The following TRRAP variants were observed in gnomAD, a reference collection of about 807,000 sequenced individuals.
TRRAP encodes transformation/transcription domain associated protein.
TRRAP carries 41 observed loss-of-function variants against 438.8 expected under a neutral mutation model. The observed-to-expected ratio is 0.09, with a 90% CI of 0.07 to 0.12. TRRAP has a LOEUF of 0.12. TRRAP is among the 10% of genes least tolerant of loss of function. The pLI is 1.00. For missense variants in TRRAP, 3,122 were observed against 5,055.1 expected, an observed-to-expected ratio of 0.62 and a Z score of 11.60; for synonymous variants, 1,994 against 1,962.9, an observed-to-expected ratio of 1.02 and a Z score of -0.42.
At chr7:98,935,318 G>C (rs570223953) in intron 27 of TRRAP, among the ~76,000 whole-genome samples, 26 of 152,234 alleles carry the variant, frequency 1.7e-4, no homozygotes, top group African/African-American at 6.3e-4. Flanking sequence ...GATGGTATCA[G>C]AGTGGGTGAG....
Position 98,953,442 on chromosome 7 carries a change from C to A in TRRAP, c.5730+9C>A, listed in dbSNP as rs1311138150. 6.2e-7 allele frequency: 1 copy of A among 1,605,644 alleles called. No homozygotes were observed. The highest frequency in any genetic ancestry group is 1.3e-5 in the African/African-American group (1 of 74,906). On this transcript the variant is annotated intron_variant, in intron 40 of 72. Coordinates refer to ENST00000456197, the MANE Select transcript of TRRAP (RefSeq NM_001375524.1). ...AGAAGATCGTCCTGCAGGTATTTTGCAAGCCCCTCCTGTCCGCCGACATCA... is the reference window on the plus strand; with the variant it reads ...AGAAGATCGTCCTGCAGGTATTTTGAAAGCCCCTCCTGTCCGCCGACATCA...
chr7:99,001,544 A>T (rs145933804), intron 67 of TRRAP, among the ~76,000 whole-genome samples: 119 of 152,212 alleles, frequency 7.8e-4, no homozygotes, highest in African/African-American at 2.8e-3. Context: ...GTAAAAAAAA[A>T]TAAAAAATCA....
At chr7:98,999,641 A>G (rs938943062) in intron 67 of TRRAP, 21 of 918,428 alleles carry the variant, frequency 2.3e-5, no homozygotes, top group Admixed American at 2.3e-4. Context: ...GGTGACAGCA[A>G]TTTGCCACTA....
intron 48 of TRRAP, 81 bp downstream of exon 48, chr7:98,964,856 C>T (rs1178656391): frequency 6.8e-7 from 1 of 1,468,136 alleles, no homozygotes; most frequent in Non-Finnish European, 9.1e-7. Flanking sequence ...TGGGGCTGAA[C>T]TCTAAAGGGA....
At chr7:98,907,672 A>G (rs1485122029) in intron 13 of TRRAP, among the ~76,000 whole-genome samples, 1 of 152,176 alleles carries the variant, frequency 6.6e-6, no homozygotes, top group Non-Finnish European at 1.5e-5. Context: ...TCTCTGCGTG[A>G]TTTGGCTCTG....
chr7:98,991,311 T>A (rs909366072), intron 64 of TRRAP, among the ~76,000 whole-genome samples: 2 of 152,154 alleles, frequency 1.3e-5, no homozygotes, highest in African/African-American at 4.8e-5. Flanking sequence ...CAGGAGTCCG[T>A]GAAGGTGTTC....
chr7:98,915,315 C>T (rs1484590484), intron 18 of TRRAP, among the ~76,000 whole-genome samples: 2 of 152,048 alleles, frequency 1.3e-5, no homozygotes, highest in Admixed American at 6.6e-5. Flanking sequence ...GCCTCAGCCT[C>T]CCTAATAGCT....
At chr7:98,990,680 C>T (rs1793393582) in intron 64 of TRRAP, 61 bp downstream of exon 64, 1 of 1,523,960 alleles carries the variant, frequency 6.6e-7, no homozygotes, top group Non-Finnish European at 8.9e-7. Flanking sequence ...ATTTTGCGTT[C>T]TTTTTTCTCC....
In TRRAP at chr7:99,011,234, C is replaced by T. The variant is rs1794411168; in HGVS notation, c.11121C>T (p.Pro3707=). The change falls in exon 71 of 73, where the codon CCC becomes CCT. Residue 3707 remains proline (P), a synonymous_variant. Transcript: ENST00000456197. The surrounding 1 kb of genome is among the most constrained non-coding windows in gnomAD (Gnocchi z 7.1). The stretch of plus-strand genomic sequence containing the variant: ...TCCTGCATTTAAATAGACTCAACCC[C>T]GAGATGTTACAGATCGCTCAGGTAA... ...EFVLHLNRLN[P]EMLQIAQDTG... The T allele has an allele frequency of 6.2e-6, 10 of 1,614,078 alleles. No homozygotes were observed. Among genetic ancestry groups the T allele is most frequent in the African/African-American group, 2.7e-5 (2 of 74,926 alleles).
In TRRAP at chr7:98,976,042, A is replaced by T; in HGVS notation, c.7840-107A>T. On this transcript the variant is annotated intron_variant, in intron 53 of 72. Transcript: ENST00000456197. This position sits in a 1 kb window ranked among gnomAD's most constrained non-coding sequence, Gnocchi z 4.6. ...CAGATCTTTGAAACTTTGAAAGTGG[A>T]GGAGCATCGGTAATGTATGAGACAG... 7.4e-7 allele frequency: 1 copy of T among 1,357,412 alleles called. No homozygotes were observed. The highest frequency in any genetic ancestry group is 2.4e-5 in the Admixed American group (1 of 41,586). 84.1% of individuals were successfully genotyped at this position (1,357,412 alleles called of 1,614,324 possible).
intron 27 of TRRAP, among the ~76,000 whole-genome samples, chr7:98,934,608 T>G (rs1384429446): frequency 2.6e-5 from 4 of 152,184 alleles, no homozygotes; most frequent in African/African-American, 9.7e-5. Flanking sequence ...CACGTGCGGA[T>G]CTTTTGAAAA....
intron 23 of TRRAP, among the ~76,000 whole-genome samples, chr7:98,928,934 C>T (rs139472942): frequency 0.013 from 1,988 of 149,674 alleles, 13 homozygotes; most frequent in Non-Finnish European, 0.02. Context: ...ACACCACGCC[C>T]GGCTAATTTT....
chr7:98,950,913 G>A lies in TRRAP; in HGVS notation c.5372G>A (p.Ser1791Asn). ...QHILNPAFLY[S>N]FEKGEGEQLL... is the part of the protein sequence containing the mutation. ...ATCTTGAATCCTGCTTTCTTGTACA[G>A]CTTTGAGAAGGGGGAAGGAGAGCAG... The change falls in exon 39 of 73, where the codon AGC (serine) becomes AAC (asparagine). Residue 1791 changes from serine to asparagine, a missense_variant. By Grantham distance (46) the Ser-to-Asn change is conservative. Around this residue, in one of 24 missense-constraint regions of TRRAP, gnomAD observed 272 missense variants for 348.5 expected, o/e 0.78. Coordinates refer to ENST00000456197, the MANE Select transcript of TRRAP (RefSeq NM_001375524.1). 6.2e-7 allele frequency: 1 copy of A among 1,600,498 alleles called. No individual in the cohort carries two copies.
intron 13 of TRRAP, among the ~76,000 whole-genome samples, chr7:98,907,469 G>T (rs549117580): frequency 2.0e-5 from 3 of 152,178 alleles, no homozygotes; most frequent in East Asian, 3.9e-4. Flanking sequence ...AAATGTTTAG[G>T]TTCCTTTGAA....
intron 65 of TRRAP, 90 bp from the exon 66 acceptor site, chr7:98,993,448 C>T (rs540112244): frequency 2.7e-5 from 37 of 1,368,434 alleles, no homozygotes; most frequent in Non-Finnish European, 3.4e-5. Context: ...CAGGAACCAG[C>T]GCTCCTTTGG....
At chr7:98,999,417 G>C in intron 67 of TRRAP, 1 of 1,124,668 alleles carries the variant, frequency 8.9e-7, no homozygotes, top group South Asian at 1.3e-5. Context: ...AGATCCAGCA[G>C]CTCCTCCAAA....
intron 67 of TRRAP, among the ~76,000 whole-genome samples, chr7:98,995,246 G>A (rs1253641089): frequency 1.3e-5 from 2 of 151,952 alleles, no homozygotes; most frequent in African/African-American, 2.4e-5. Flanking sequence ...AGATGGGGCC[G>A]GGTGAGCCGG....
chr7:98,932,451 G>A (rs924383900), intron 26 of TRRAP, among the ~76,000 whole-genome samples: 3 of 151,962 alleles, frequency 2.0e-5, no homozygotes, highest in Non-Finnish European at 4.4e-5. Flanking sequence ...TTTTCTTTAA[G>A]GAAATTATCA....
At chr7:98,977,758 C>G (rs2116736494) in intron 56 of TRRAP, among the ~76,000 whole-genome samples, 1 of 152,338 alleles carries the variant, frequency 6.6e-6, no homozygotes, top group Non-Finnish European at 1.5e-5. Flanking sequence ...GCCGCGGAAG[C>G]TCCAGAAGCA....
Sources: allele counts gnomAD v4.1 joint callset (sites outside exome capture counted in the v4.1 genomes callset), GRCh38; gene constraint gnomAD v4.1.1; regional missense constraint gnomAD v4.1.1; non-coding constraint Gnocchi (gnomAD v3.1); transcripts MANE v1.5; gene names NCBI Gene and HGNC (gene_info 2026-07-23, HGNC 2026-07-21).